Variants in APOOL observed in about 807,000 individuals in gnomAD.
APOOL encodes apolipoprotein O like, also known as MICOS complex subunit MIC27.
Under a neutral mutation model 23.1 loss-of-function variants are expected in APOOL, and 12 were observed. That is an observed-to-expected ratio of 0.52 (90% CI 0.33 to 0.84). The LOEUF (loss-of-function observed/expected upper bound fraction) is 0.84, where lower values mean the gene tolerates loss of function less well. Among genes scored for constraint, APOOL ranks in the 40% least tolerant of loss-of-function variants. The pLI is 0.02. For missense variants in APOOL, 212 were observed against 199.6 expected, an observed-to-expected ratio of 1.06 and a Z score of -0.37; for synonymous variants, 77 against 69.9, an observed-to-expected ratio of 1.10 and a Z score of -0.51.
intron 1 of APOOL, among the ~76,000 whole-genome samples, chrX:85,036,686 AATTTT>A (rs1922228177): frequency 1.8e-5 from 2 of 111,364 alleles, no homozygotes; most frequent in Admixed American, 1.9e-4. Flanking sequence ...AGGGTTGTTG[AATTTT>A]ATTTTATTTT....
At chrX:85,080,692 G>T (rs1239075884) in intron 8 of APOOL, among the ~76,000 whole-genome samples, 1 of 111,266 alleles carries the variant, frequency 9.0e-6, no homozygotes, top group Non-Finnish European at 1.9e-5. Flanking sequence ...ACAGTGGGGT[G>T]TTAAAGTCTC....
intron 5 of APOOL, among the ~76,000 whole-genome samples, chrX:85,060,208 G>C (rs1320604407): frequency 9.6e-6 from 1 of 104,332 alleles, no homozygotes; most frequent in Admixed American, 1.0e-4. Context: ...CATTATTTCT[G>C]AGGGCTCTGT....
intron 5 of APOOL, among the ~76,000 whole-genome samples, chrX:85,065,552 C>T (rs190598432): frequency 1.4e-3 from 155 of 110,738 alleles, no homozygotes; most frequent in African/African-American, 4.8e-3. Flanking sequence ...ACAGCGCAGG[C>T]GTGGTGGTGA....
chrX:85,031,200 C>A (rs1051777553), intron 1 of APOOL, among the ~76,000 whole-genome samples: 7 of 111,816 alleles, frequency 6.3e-5, no homozygotes. Flanking sequence ...ATCAGTCTTA[C>A]AATTTCAGTT....
In APOOL at chrX:85,064,340, AT is replaced by A. The variant is rs745593279; in HGVS notation, c.395-2771del. Among the ~76,000 whole-genome samples, 723 of 73,273 alleles carry A rather than the reference AT, an allele frequency of 9.9e-3. 3 individuals carry two copies. Among genetic ancestry groups the A allele is most frequent in the Middle Eastern group, 0.016 (2 of 123 alleles). 63.6% of individuals were successfully genotyped at this position (73,273 alleles called of 115,157 possible). ...TTTTTTTCAAAAAAACAGCTCCTGG[AT>A]TTTTTTTTTTTTTTTGAGGGGATTT... On this transcript the variant is annotated intron_variant, in intron 5 of 8. Coordinates refer to ENST00000373173, the MANE Select transcript of APOOL (RefSeq NM_198450.6).
Position 85,093,019 on chromosome X carries a change from G to A in APOOL, c.*5341G>A, listed in dbSNP as rs1047191959. The A allele has an allele frequency of 1.5e-5, 7 of 460,191 alleles. No homozygotes were observed. In the African/African-American group the frequency reaches 1.7e-4, roughly 11 times the overall value. The allele number at this position is 460,191 out of a possible 1,213,427, so 37.9% of individuals were successfully genotyped here. On this transcript the variant is annotated 3_prime_UTR_variant, in exon 9 of 9. Transcript: ENST00000373173. The stretch of plus-strand genomic sequence containing the variant: ...TTTAATTGACTATAATTCATATACT[G>A]TATATGATCATCTGATTTGAAAATC...
chrX:85,092,274 CA>C lies in APOOL; in HGVS notation c.*4599del. Reference sequence around the variant, plus strand: ...TCTGTTTCAAAATAAAAGATCTGCTCAAACAAGAATGTGATGATCACTTGCT... The same window carrying C: ...TCTGTTTCAAAATAAAAGATCTGCTCAACAAGAATGTGATGATCACTTGCT... On this transcript the variant is annotated 3_prime_UTR_variant, in exon 9 of 9. Transcript: ENST00000373173. 2 of 822,519 alleles carry C rather than the reference CA, an allele frequency of 2.4e-6. No homozygotes were observed. 67.8% of individuals were successfully genotyped at this position (822,519 alleles called of 1,213,427 possible).
chrX:85,012,174 C>A (rs187651682), intron 1 of APOOL, among the ~76,000 whole-genome samples: 1 of 111,783 alleles, frequency 8.9e-6, no homozygotes, highest in Admixed American at 9.5e-5. Flanking sequence ...AGCAGTCCTA[C>A]TGATTTGTGT....
At chrX:85,034,467 T>G (rs1287812127) in intron 1 of APOOL, among the ~76,000 whole-genome samples, 2 of 111,787 alleles carry the variant, frequency 1.8e-5, no homozygotes, top group Admixed American at 1.9e-4. Context: ...TGTTTTTTTT[T>G]TAATAATTTC....
rs771109558 is a variant in APOOL at position 85,036,414 on chromosome X, T to G, written c.16-10032T>G. On this transcript the variant is annotated intron_variant, in intron 1 of 8. Transcript: ENST00000373173. Reference sequence around the variant, plus strand: ...GGGGTTTTCTAGGTATAAGATCATATCTTCTTTGAAGAGACTTTGTCTTTT... The same window carrying G: ...GGGGTTTTCTAGGTATAAGATCATAGCTTCTTTGAAGAGACTTTGTCTTTT... Among the ~76,000 whole-genome samples, 5 of 112,095 alleles carry G rather than the reference T, an allele frequency of 4.5e-5. 1 individual carries two copies. The South Asian group carries it at 1.8e-3, about 41-fold the overall frequency.
Position 85,087,670 on chromosome X carries a change from A to G in APOOL, c.799A>G (p.Arg267Gly). The G allele has an allele frequency of 8.4e-7, 1 of 1,185,153 alleles. No homozygotes were observed. The highest frequency in any genetic ancestry group is 1.8e-5 in the African/African-American group (1 of 56,967). The part of the protein sequence containing the change: ...HPEDIDMYST[R>G]S ...AGAAGATATAGATATGTACAGCACT[A>G]GAAGCTGAAGTAGACTGCATGCAGA... Residue 267 changes from arginine to glycine, a missense_variant, in exon 9 of 9, where the codon AGA becomes GGA. Coordinates refer to ENST00000373173, the MANE Select transcript of APOOL (RefSeq NM_198450.6).
At chrX:85,075,813 GAC>G (rs1369561968) in intron 8 of APOOL, among the ~76,000 whole-genome samples, 3 of 111,715 alleles carry the variant, frequency 2.7e-5, no homozygotes, top group Non-Finnish European at 3.8e-5. Flanking sequence ...ATTCTATGGA[GAC>G]AATGCAGAGG....
At chrX:85,024,033 A>G (rs1921759312) in intron 1 of APOOL, among the ~76,000 whole-genome samples, 1 of 111,716 alleles carries the variant, frequency 9.0e-6, no homozygotes, top group Non-Finnish European at 1.9e-5. Context: ...GTAACATGGT[A>G]TGAAGTCTCA....
At chrX:85,017,558 C>T (rs1921520211) in intron 1 of APOOL, among the ~76,000 whole-genome samples, 1 of 111,518 alleles carries the variant, frequency 9.0e-6, no homozygotes, top group Non-Finnish European at 1.9e-5. Context: ...TGTTTGTGCC[C>T]AGTCAAAATT....
At chrX:85,067,273 T>A in intron 6 of APOOL, 55 bp downstream of exon 6, 1 of 827,983 alleles carries the variant, frequency 1.2e-6, no homozygotes, top group East Asian at 3.5e-5. Flanking sequence ...ACTCTCAATG[T>A]GACAATATTT....
intron 1 of APOOL, among the ~76,000 whole-genome samples, chrX:85,021,766 A>G (rs1921671627): frequency 8.9e-6 from 1 of 112,389 alleles, no homozygotes; most frequent in Non-Finnish European, 1.9e-5. Flanking sequence ...CAGAGCACAA[A>G]TAAATGAAAT....
At chrX:85,053,581 C>T (rs1922853193) in intron 3 of APOOL, among the ~76,000 whole-genome samples, 1 of 111,387 alleles carries the variant, frequency 9.0e-6, no homozygotes, top group Non-Finnish European at 1.9e-5. Flanking sequence ...TTTCTGGTTC[C>T]ATCAACAGAG....
intron 5 of APOOL, among the ~76,000 whole-genome samples, chrX:85,058,420 C>T (rs1383324317): frequency 8.9e-6 from 1 of 111,751 alleles, no homozygotes; most frequent in African/African-American, 3.3e-5. Context: ...CTTTTTATGG[C>T]TACATAGTAT....
At chrX:85,072,537 G>T (rs1043621542) in intron 6 of APOOL, among the ~76,000 whole-genome samples, 2 of 110,648 alleles carry the variant, frequency 1.8e-5, no homozygotes, top group African/African-American at 6.6e-5. Flanking sequence ...TATGTATAAG[G>T]ATGCTAATTT....
Sources: allele counts gnomAD v4.1 joint callset (sites outside exome capture counted in the v4.1 genomes callset), GRCh38; gene constraint gnomAD v4.1.1; transcripts MANE v1.5; gene names NCBI Gene and HGNC (gene_info 2026-07-23, HGNC 2026-07-21).